MGA: variants seen among roughly 807,000 people sequenced by gnomAD.
The protein encoded by MGA is MAX dimerization protein MGA.
Under a neutral mutation model 261.1 loss-of-function variants are expected in MGA, and 40 were observed. The observed-to-expected ratio is 0.15, with a 90% CI of 0.12 to 0.20. The LOEUF is 0.20. Ranked by LOEUF, MGA falls within the 10% of genes least tolerant of loss-of-function variation. The probability of loss-of-function intolerance (pLI) is 1.00; values close to 1 mark genes in which losing one functional copy is unlikely to be tolerated. For synonymous variants in MGA, 1,302 were observed against 1,290.6 expected, an observed-to-expected ratio of 1.01 and a Z score of -0.19; for missense variants, 3,397 against 3,630.5, an observed-to-expected ratio of 0.94 and a Z score of 1.65.
Position 41,699,107 on chromosome 15 carries a change from A to T in MGA, c.2136A>T (p.Glu712Asp). The T allele has an allele frequency of 6.2e-7, 1 of 1,612,912 alleles. No individual in the cohort carries two copies. ...CCCAGTTGGAAAAGGAATTGATAGA[A>T]GATTTGAAGACTTTGCGGCACAAGC... Residue 712 changes from glutamate (E) to aspartate (D), a missense_variant, in exon 5 of 24, where the codon GAA becomes GAT. This residue lies in a region of MGA where 563 missense variants were observed against 563.6 expected (regional missense o/e 1.00). Coordinates refer to ENST00000219905, the MANE Select transcript of MGA (RefSeq NM_001164273.2).
chr15:41,625,996 A>C (rs941354602), intron 1 of MGA, among the ~76,000 whole-genome samples: 1 of 152,182 alleles, frequency 6.6e-6, no homozygotes, highest in Non-Finnish European at 1.5e-5. Flanking sequence ...CTTTTATTAT[A>C]GTATATTGTA....
In MGA at chr15:41,749,263, T is replaced by A. The variant is rs778770956; in HGVS notation, c.5656T>A (p.Leu1886Met). 6.2e-7 allele frequency: 1 copy of A among 1,614,054 alleles called. No individual in the cohort carries two copies. The highest frequency in any genetic ancestry group is 2.2e-5 in the East Asian group (1 of 44,882). ...GAATGTTATCACTCAGGCACCATCA[T>A]TGCTTTCCTCTGGAGCTAGTTTTGT... The change falls in exon 17 of 24, where the codon TTG becomes ATG. Residue 1886 changes from leucine (L) to methionine (M), a missense_variant. Transcript: ENST00000219905.
chr15:41,633,352 GTAT>G (rs1566923982), intron 1 of MGA, among the ~76,000 whole-genome samples: 6 of 93,976 alleles, frequency 6.4e-5, no homozygotes, highest in Non-Finnish European at 9.1e-5. Flanking sequence ...CCCTCCTATG[GTAT>G]TTTTTTTTTT....
chr15:41,760,179 G>A, intron 19 of MGA, 144 bp from the exon 20 acceptor site: 1 of 691,768 alleles, frequency 1.4e-6, no homozygotes, highest in East Asian at 2.7e-5. Context: ...GGATAGACTG[G>A]TAGTAAGATG....
intron 1 of MGA, among the ~76,000 whole-genome samples, chr15:41,643,204 CTTT>C (rs35165330): frequency 3.1e-4 from 42 of 133,368 alleles, no homozygotes; most frequent in African/African-American, 1.1e-3. Flanking sequence ...GTGCCTGGCT[CTTT>C]TTTTTTTTTT....
At chr15:41,706,867 T>G (rs2060144069) in intron 5 of MGA, among the ~76,000 whole-genome samples, 1 of 152,148 alleles carries the variant, frequency 6.6e-6, no homozygotes, top group African/African-American at 2.4e-5. Flanking sequence ...AGCCACCAGC[T>G]CCGGCCAATA....
At chr15:41,724,505 C>T (rs2061122413) in intron 9 of MGA, among the ~76,000 whole-genome samples, 1 of 152,018 alleles carries the variant, frequency 6.6e-6, no homozygotes, top group South Asian at 2.1e-4. Context: ...GTCTAGAAAC[C>T]TTTGTGCCAT....
intron 9 of MGA, among the ~76,000 whole-genome samples, chr15:41,722,666 C>T (rs2577953): frequency 0.76 from 114,885 of 152,036 alleles, 44,620 homozygotes; most frequent in East Asian, 0.89. Flanking sequence ...TTTATAAATG[C>T]TATATTTCAT....
In MGA at chr15:41,702,315, A is replaced by G. The variant is rs548840982; in HGVS notation, c.2188+3156A>G. Among the ~76,000 whole-genome samples, 106 of 93,876 alleles carry G rather than the reference A, an allele frequency of 1.1e-3. 1 individual carries two copies. In the East Asian group the frequency reaches 0.02, roughly 18 times the overall value. 61.6% of individuals were successfully genotyped at this position (93,876 alleles called of 152,430 possible). A position where few individuals can be genotyped will look rare whatever the true frequency, so the allele number is the denominator to read the frequency against. On this transcript the variant is annotated intron_variant, in intron 5 of 23. Transcript: ENST00000219905. The stretch of plus-strand genomic sequence containing the variant: ...TCCAGCCTGGGCGACACAGTGAGAC[A>G]TTGTCTCAAAAAAAAAAAAAAAAGC...
At chr15:41,656,017 A>G (rs1316563302), upstream of MGA, among the ~76,000 whole-genome samples, 1 of 152,174 alleles carries the variant, frequency 6.6e-6, no homozygotes, top group African/African-American at 2.4e-5. Context: ...TGTGATCAGC[A>G]CTGGAATAGA....
At position 41,736,211 on chromosome 15, in the gene MGA, G is replaced by C. The variant is rs769055413; in HGVS notation, c.3947G>C (p.Gly1316Ala). The change falls in exon 13 of 24, where the codon GGA (glycine) becomes GCA (alanine). Residue 1316 changes from glycine to alanine, a missense_variant. Coordinates refer to ENST00000219905, the MANE Select transcript of MGA (RefSeq NM_001164273.2). Reference sequence around the variant, plus strand: ...AGCTGGAAGTCTTCCTGCAATGAAGGAGAATCCTCTTCTACTTCTTATATG... The same window carrying C: ...AGCTGGAAGTCTTCCTGCAATGAAGCAGAATCCTCTTCTACTTCTTATATG... The C allele has an allele frequency of 1.3e-6, 2 of 1,590,674 alleles. No individual in the cohort carries two copies. Among genetic ancestry groups the C allele is most frequent in the East Asian group, 4.5e-5 (2 of 44,512 alleles).
intron 1 of MGA, among the ~76,000 whole-genome samples, chr15:41,625,706 T>C (rs1817608215): frequency 6.6e-6 from 1 of 151,720 alleles, no homozygotes; most frequent in African/African-American, 2.4e-5. Flanking sequence ...AGAGTGTGTG[T>C]CCCAAAAAAT....
chr15:41,654,580 A>C (rs1350935735), intron 1 of MGA, among the ~76,000 whole-genome samples: 1 of 152,142 alleles, frequency 6.6e-6, no homozygotes. Flanking sequence ...GGCTTCTTTC[A>C]TATGCATTTG....
At chr15:41,742,049 G>A (rs2094049078) in intron 14 of MGA, among the ~76,000 whole-genome samples, 1 of 151,756 alleles carries the variant, frequency 6.6e-6, no homozygotes, top group Non-Finnish European at 1.5e-5. Flanking sequence ...TTAGAACTGA[G>A]GTTTGTTTTT....
intron 7 of MGA, among the ~76,000 whole-genome samples, chr15:41,709,129 C>T (rs555586826): frequency 6.6e-6 from 1 of 151,976 alleles, no homozygotes; most frequent in Non-Finnish European, 1.5e-5. Context: ...AGCGGATTGC[C>T]TGAGCTCAGG....
At chr15:41,722,710 A>T (rs762567870) in intron 9 of MGA, among the ~76,000 whole-genome samples, 1 of 152,164 alleles carries the variant, frequency 6.6e-6, no homozygotes, top group Non-Finnish European at 1.5e-5. Context: ...CAAAAATCAG[A>T]GGAAGAGGAG....
At position 41,669,515 on chromosome 15, in the gene MGA, G is replaced by A; in HGVS notation, c.621G>A (p.Val207=). The change falls in exon 2 of 24, where the codon GTG becomes GTA. Residue 207 remains valine, a synonymous_variant. Coordinates refer to ENST00000219905, the MANE Select transcript of MGA (RefSeq NM_001164273.2). ...GTTACCTGCCGAGGCTTCATTTGGTGCCTGCAGAAAAGGCTGTGGAGGTGA... is the reference window on the plus strand; with the variant it reads ...GTTACCTGCCGAGGCTTCATTTGGTACCTGCAGAAAAGGCTGTGGAGGTGA... The A allele has an allele frequency of 6.2e-7, 1 of 1,614,006 alleles. No homozygotes were observed. Among genetic ancestry groups the A allele is most frequent in the Non-Finnish European group, 8.5e-7 (1 of 1,179,902 alleles).
chr15:41,642,925 T>C (rs941128958), intron 1 of MGA, among the ~76,000 whole-genome samples: 2 of 150,348 alleles, frequency 1.3e-5, no homozygotes, highest in South Asian at 2.1e-4. Context: ...TTTTTTTTTT[T>C]CTTTTGAGAC....
At position 41,660,560 on chromosome 15, in the gene MGA, G is replaced by A. The variant is rs1466982285; in HGVS notation, c.-68+35G>A. On this transcript the variant is annotated intron_variant, in intron 1 of 23. Coordinates refer to ENST00000219905, the MANE Select transcript of MGA (RefSeq NM_001164273.2). ...GGGCCTGGGTGGAGGGCATCGCTTA[G>A]TACTGGCCCGATTGGAGTTTTTCGA... The A allele has an allele frequency of 2.6e-5, 4 of 152,714 alleles. 1 individual carries two copies. The highest frequency in any genetic ancestry group is 1.3e-4 in the Admixed American group (2 of 15,288). 9.5% of individuals were successfully genotyped at this position (152,714 alleles called of 1,614,324 possible).
Sources: allele counts gnomAD v4.1 joint callset (sites outside exome capture counted in the v4.1 genomes callset), GRCh38; gene constraint gnomAD v4.1.1; regional missense constraint gnomAD v4.1.1; transcripts MANE v1.5; gene names NCBI Gene and HGNC (gene_info 2026-07-23, HGNC 2026-07-21).